Variants in PAX4 observed in about 807,000 individuals in gnomAD.
The protein encoded by PAX4 is paired box 4.
Under a neutral mutation model 40.6 loss-of-function variants are expected in PAX4, and 33 were observed. The ratio of observed to expected loss-of-function variants is 0.81; its 90% CI spans 0.62 to 1.09. The LOEUF is 1.09. Ranked by LOEUF, PAX4 falls within the 50% of genes least tolerant of loss-of-function variation. The pLI, the probability that PAX4 is intolerant of heterozygous loss-of-function variation, is 0.00. For missense variants in PAX4, 459 were observed against 442.5 expected (o/e 1.04, Z -0.33); for synonymous variants, 174 against 170.6 (o/e 1.02, Z -0.16).
intron 9 of PAX4, among the ~76,000 whole-genome samples, chr7:127,612,474 GAT>G (rs1794645969): frequency 6.8e-6 from 1 of 147,042 alleles, no homozygotes; most frequent in Non-Finnish European, 1.5e-5. Context: ...TGGGTGGATG[GAT>G]GGATGGATGG....
rs376039555 is a variant in PAX4, at chr7:127,612,934, AGGATGGATGGATGGATGGAT to A, written c.715+68_715+87del. On this transcript the variant is annotated intron_variant, in intron 9 of 11. Transcript: ENST00000639438. Reference sequence around the variant, plus strand: ...GATGGATAAATGGATGGACGAATGGAGGATGGATGGATGGATGGATGGATGGATGGATGGATGGATGGATA... The same window carrying A: ...GATGGATAAATGGATGGACGAATGGAGGATGGATGGATGGATGGATGGATA... The A allele has an allele frequency of 4.3e-4, 393 of 920,308 alleles. 5 individuals are homozygous for A. The African/African-American group carries it at 5.0e-3, about 12-fold the overall frequency. The allele number at this position is 920,308 out of a possible 1,614,324, so 57.0% of individuals were successfully genotyped here.
intron 5 of PAX4, 125 bp downstream of exon 5, chr7:127,614,755 G>T: frequency 7.4e-7 from 1 of 1,353,902 alleles, no homozygotes; most frequent in Non-Finnish European, 1.0e-6. Flanking sequence ...AAAACTTATG[G>T]GTCAGAATTG....
At chr7:127,612,901 C>T (rs1012377236) in intron 9 of PAX4, 121 bp downstream of exon 9, 1 of 746,738 alleles carries the variant, frequency 1.3e-6, no homozygotes, top group Non-Finnish European at 2.4e-6. Context: ...TGGATGGATA[C>T]ATGGGTGGAT....
Position 127,613,014 on chromosome 7 carries a change from G to T in PAX4, c.715+8C>A. The T allele has an allele frequency of 6.2e-7, 1 of 1,610,540 alleles. No individual in the cohort carries two copies. ...GCGGGCAGATGGATGATGGTGCAGA[G>T]AAATCACCTGGCAGCTGCATTTCCC... On this transcript the variant is annotated splice_region_variant and intron_variant, in intron 9 of 11. Transcript: ENST00000639438.
chr7:127,617,993 T>C lies in PAX4; in HGVS notation c.-257A>G, dbSNP rs1794744593. 6.6e-6 allele frequency: 1 copy of C among 152,096 alleles called. No individual in the cohort carries two copies. The highest frequency in any genetic ancestry group is 1.5e-5 in the Non-Finnish European group (1 of 68,066). 9.4% of individuals were successfully genotyped at this position (152,096 alleles called of 1,614,324 possible). A position where few individuals can be genotyped will look rare whatever the true frequency, so the allele number is the denominator to read the frequency against. Reference sequence around the variant, plus strand: ...GGAGGAAATGAGGTGGGAGCTTCAGTGGGAGGTCTCAGCTTCTGAGACCCC... The same window carrying C: ...GGAGGAAATGAGGTGGGAGCTTCAGCGGGAGGTCTCAGCTTCTGAGACCCC... On this transcript the variant is annotated 5_prime_UTR_variant, in exon 1 of 12. Coordinates refer to ENST00000639438, the MANE Select transcript of PAX4 (RefSeq NM_001366110.1).
Position 127,615,097 on chromosome 7 carries a change from T to C in PAX4, c.145-2A>G. 6.2e-7 allele frequency: 1 copy of C among 1,614,066 alleles called. No individual in the cohort carries two copies. The highest frequency in any genetic ancestry group is 1.1e-5 in the South Asian group (1 of 91,078). Reference sequence around the variant, plus strand: ...CTTGCTCACACAGCCATTAGATACCTGAGTCAGGTGAGAAGCAGGGACAGG... The same window carrying C: ...CTTGCTCACACAGCCATTAGATACCCGAGTCAGGTGAGAAGCAGGGACAGG... On this transcript the variant is annotated splice_acceptor_variant, in intron 4 of 11. Coordinates refer to ENST00000639438, the MANE Select transcript of PAX4 (RefSeq NM_001366110.1). LOFTEE classifies it high-confidence loss of function.
Position 127,611,107 on chromosome 7 carries a change from G to A in PAX4, c.1013C>T (p.Ala338Val), listed in dbSNP as rs2233583. ...CHLASLSGSQ[A>V]LLWPGCPLLY... is the part of the protein sequence containing the mutation. ...TAGTGGGCAGCCAGGCCAGAGCAGGGCCTGAGAGCCACTAAGACTGGCCAG... is the reference window on the plus strand; with the variant it reads ...TAGTGGGCAGCCAGGCCAGAGCAGGACCTGAGAGCCACTAAGACTGGCCAG... The change falls in exon 12 of 12, where the codon GCC (alanine) becomes GTC (valine). Residue 338 changes from alanine (A) to valine (V), a missense_variant. By Grantham distance (64) the Ala-to-Val change is moderately conservative. Transcript: ENST00000639438. The A allele has an allele frequency of 5.3e-4, 860 of 1,607,864 alleles. 5 individuals are homozygous for A. Among genetic ancestry groups the A allele is most frequent in the South Asian group, 1.9e-3 (174 of 89,804 alleles).
chr7:127,615,022 C>T lies in PAX4; in HGVS notation c.218G>A (p.Gly73Glu), dbSNP rs752986446. 6 of 1,614,248 alleles carry T rather than the reference C, an allele frequency of 3.7e-6. No individual in the cohort carries two copies. The highest frequency in any genetic ancestry group is 5.1e-6 in the Non-Finnish European group (6 of 1,180,044). ...RTGVLEPKGI[G>E]GSKPRLATPP... ...TGTAGCCAGCCGTGGCTTGCTTCCCCCAATGCCCTTTGGCTCCAAGACACC... is the reference window on the plus strand; with the variant it reads ...TGTAGCCAGCCGTGGCTTGCTTCCCTCAATGCCCTTTGGCTCCAAGACACC... The change falls in exon 5 of 12, where the codon GGG becomes GAG. Residue 73 changes from glycine (G) to glutamate (E), a missense_variant. Transcript: ENST00000639438.
At chr7:127,613,325 T>C in intron 8 of PAX4, 125 bp downstream of exon 8, 6 of 965,306 alleles carry the variant, frequency 6.2e-6, no homozygotes, top group Non-Finnish European at 1.0e-5. Flanking sequence ...CATCTCTGAT[T>C]GTTGCTCCAA....
intron 9 of PAX4, 140 bp from the exon 10 acceptor site, chr7:127,612,140 A>G (rs950890858): frequency 6.4e-6 from 5 of 779,206 alleles, no homozygotes; most frequent in African/African-American, 5.1e-5. Flanking sequence ...AGAGATGGAT[A>G]TTTTAACCCA....
At position 127,613,869 on chromosome 7, in the gene PAX4, G is replaced by T. The variant is rs758317971; in HGVS notation, c.449C>A (p.Pro150Gln). 1 of 1,614,066 alleles carries T rather than the reference G, an allele frequency of 6.2e-7. No homozygotes were observed. ...GCCACTATGGGGAGTGAGGACAGCTGGAGCCAAAACAGCTGAAAAGGAAGA... is the reference window on the plus strand; with the variant it reads ...GCCACTATGGGGAGTGAGGACAGCTTGAGCCAAAACAGCTGAAAAGGAAGA... Reference protein sequence around the residue: ...TRLRSPAVLAPAVLTPHSGSE... With the variant: ...TRLRSPAVLAQAVLTPHSGSE... Residue 150 changes from proline (P) to glutamine (Q), a missense_variant, in exon 7 of 12, where the codon CCA becomes CAA. Physicochemically the swap from Pro to Gln is moderately conservative, Grantham distance 76. Coordinates refer to ENST00000639438, the MANE Select transcript of PAX4 (RefSeq NM_001366110.1).
Position 127,614,922 on chromosome 7 carries a change from C to T in PAX4, c.318G>A (p.Gln106=), listed in dbSNP as rs753738088. The change falls in exon 5 of 12, where the codon CAG becomes CAA. Residue 106 remains glutamine (Q), a synonymous_variant. Transcript: ENST00000639438. The part of the protein sequence containing the change: ...PALFAWEIQR[Q]LCAEGLCTQD... The stretch of plus-strand genomic sequence containing the variant: ...GGGTGCAAAGCCCTTCAGCACAAAG[C>T]TGGCGTTGGATTTCCCAGGCAAAGA... 5 of 1,614,172 alleles carry T rather than the reference C, an allele frequency of 3.1e-6. No homozygotes were observed. In the East Asian group the frequency reaches 1.1e-4, roughly 36 times the overall value.
At chr7:127,615,734 C>G in intron 3 of PAX4, 182 bp downstream of exon 3, 1 of 1,498,300 alleles carries the variant, frequency 6.7e-7, no homozygotes, top group Non-Finnish European at 8.9e-7. Context: ...TTGTTCCTTG[C>G]CCATACCCGC....
rs761002384 is a variant in PAX4 at position 127,611,661 on chromosome 7, C to G, written c.787G>C (p.Val263Leu). The stretch of plus-strand genomic sequence containing the variant: ...AGGGCAGGCAGGGCTGCTGTGGGCA[C>G]ACTGCCAGGGGACTGCTAAAAAAAA... ...IISAQQSPGS[V>L]PTAALPALEP... Residue 263 changes from valine (V) to leucine (L), a missense_variant, in exon 11 of 12, where the codon GTG becomes CTG. Transcript: ENST00000639438. The G allele has an allele frequency of 6.2e-7, 1 of 1,612,312 alleles. No individual in the cohort carries two copies. The highest frequency in any genetic ancestry group is 2.2e-5 in the East Asian group (1 of 44,864).
In PAX4 at chr7:127,611,189, G is replaced by T; in HGVS notation, c.931C>A (p.Pro311Thr). The T allele has an allele frequency of 2.5e-6, 4 of 1,601,714 alleles. No individual in the cohort carries two copies. The highest frequency in any genetic ancestry group is 1.8e-4 in the Middle Eastern group (1 of 5,444). The part of the protein sequence containing the change: ...KPCWGHLPPQ[P>T]NSLDSGLLCL... ...AGCAGTCCTGAGTCCAGGGAATTCG[G>T]CTGTGGGGGCAAGTGGCCTGTGGGG... Residue 311 changes from proline (P) to threonine (T), a missense_variant, in exon 12 of 12, where the codon CCG becomes ACG. Coordinates refer to ENST00000639438, the MANE Select transcript of PAX4 (RefSeq NM_001366110.1).
chr7:127,610,706 G>T lies in PAX4; in HGVS notation c.*358C>A. On this transcript the variant is annotated 3_prime_UTR_variant, in exon 12 of 12. Coordinates refer to ENST00000639438, the MANE Select transcript of PAX4 (RefSeq NM_001366110.1). Reference sequence around the variant, plus strand: ...GCATAGATTAGATGGTAGATACATAGATGTAAATAAATGATAGGGCAAATT... The same window carrying T: ...GCATAGATTAGATGGTAGATACATATATGTAAATAAATGATAGGGCAAATT... 1.6e-6 allele frequency: 1 copy of T among 631,280 alleles called. No individual in the cohort carries two copies. The highest frequency in any genetic ancestry group is 2.8e-6 in the Non-Finnish European group (1 of 357,740). The allele number at this position is 631,280 out of a possible 1,614,324, so 39.1% of individuals were successfully genotyped here.
rs1272120794 is a variant in PAX4 at position 127,611,972 on chromosome 7, C to G, written c.744G>C (p.Arg248Ser). 6.2e-7 allele frequency: 1 copy of G among 1,614,124 alleles called. No homozygotes were observed. Among genetic ancestry groups the G allele is most frequent in the Non-Finnish European group, 8.5e-7 (1 of 1,180,022 alleles). ...PGASQGLTVPRVAPGIISAQQ... is the reference protein window; with the variant it reads ...PGASQGLTVPSVAPGIISAQQ... ...GTGCAGAGATGATTCCTGGGGCAACCCTTGGTACAGTCAGCCCCTGGGAAG... is the reference window on the plus strand; with the variant it reads ...GTGCAGAGATGATTCCTGGGGCAACGCTTGGTACAGTCAGCCCCTGGGAAG... The change falls in exon 10 of 12, where the codon AGG becomes AGC. Residue 248 changes from arginine (R) to serine (S), a missense_variant. Coordinates refer to ENST00000639438, the MANE Select transcript of PAX4 (RefSeq NM_001366110.1).
At chr7:127,612,079 T>C in intron 9 of PAX4, 79 bp from the exon 10 acceptor site, 1 of 1,406,976 alleles carries the variant, frequency 7.1e-7, no homozygotes, top group Non-Finnish European at 9.9e-7. Flanking sequence ...GGCAGGAAGG[T>C]TGGATACAAA....
chr7:127,613,519 C>A lies in PAX4; in HGVS notation c.576G>T (p.Gly192=), dbSNP rs755659149. ...CACGGGCCACTGAATCAGGATACTG[C>A]CCACGCTGGAACTCTGCGGAGATCG... ...AEALEKEFQR[G]QYPDSVARGK... The change falls in exon 8 of 12, where the codon GGG becomes GGT. Residue 192 remains glycine, a synonymous_variant. Transcript: ENST00000639438. The A allele has an allele frequency of 6.2e-7, 1 of 1,614,164 alleles. No homozygotes were observed. Among genetic ancestry groups the A allele is most frequent in the South Asian group, 1.1e-5 (1 of 91,092 alleles).
Sources: gnomAD v4.1 joint callset for allele counts (sites outside exome capture counted in the v4.1 genomes callset) on GRCh38, gnomAD v4.1.1 for gene constraint, MANE v1.5 for transcripts, NCBI Gene and HGNC (gene_info 2026-07-23, HGNC 2026-07-21) for gene names.